Variants in ZNF648 observed in about 807,000 individuals in gnomAD.
The protein encoded by ZNF648 is zinc finger protein 648.
A neutral mutation model predicts 0.3 loss-of-function variants in ZNF648; 1 was observed. The observed-to-expected ratio is 3.90, with a 90% CI of 1.39 to 18.51. ZNF648 has a LOEUF of 18.51. ZNF648 is among the 30% of genes most tolerant of loss of function. The pLI is 0.11. For synonymous variants in ZNF648, 376 were observed against 326.8 expected (o/e 1.15, Z -1.62); for missense variants, 874 against 769.7 (o/e 1.14, Z -1.60).
Position 182,057,315 on chromosome 1 carries a change from T to C in ZNF648, c.696A>G (p.Lys232=), listed in dbSNP as rs1290735269. ...AVLAKARNSR[K]VQNQAGRREG... ...CGCGCCGGCCCGCCTGGTTCTGTACTTTCCTGCTGTTCCGCGCTTTTGCCA... is the reference window on the plus strand; with the variant it reads ...CGCGCCGGCCCGCCTGGTTCTGTACCTTCCTGCTGTTCCGCGCTTTTGCCA... Residue 232 remains lysine (K), a synonymous_variant, in exon 2 of 2, where the codon AAA becomes AAG. Coordinates refer to ENST00000339948, the MANE Select transcript of ZNF648 (RefSeq NM_001009992.1). The C allele has an allele frequency of 3.7e-6, 6 of 1,606,202 alleles. No homozygotes were observed. The African/African-American group carries it at 5.3e-5, about 14-fold the overall frequency.
the ZNF648 span, chr1:182,069,368 T>G: frequency 6.6e-6 from 1 of 152,232 alleles, no homozygotes; most frequent in African/African-American, 2.4e-5. Flanking sequence ...ATTTGAGGTT[T>G]CCATAAAAAC....
At chr1:182,069,506 G>A in the ZNF648 span, among the ~76,000 whole-genome samples, 2 of 152,284 alleles carry the variant, frequency 1.3e-5, no homozygotes, top group Admixed American at 6.5e-5. Context: ...GCTGGAGTGC[G>A]GCATCCCTCT....
In ZNF648 at chr1:182,056,318, A is replaced by G; in HGVS notation, c.1693T>C (p.Ser565Pro). ...GTCKKEPIPS[S>P]SDE is the part of the protein sequence containing the mutation. ...CGATGCTATCTTCACTCGTCAGAGG[A>G]GGAAGGGATGGGCTCCTTCTTGCAG... Residue 565 changes from serine to proline, a missense_variant, in exon 2 of 2, where the codon TCC becomes CCC. By Grantham distance (74) the Ser-to-Pro change is moderately conservative. Coordinates refer to ENST00000339948, the MANE Select transcript of ZNF648 (RefSeq NM_001009992.1). The G allele has an allele frequency of 2.5e-6, 4 of 1,611,934 alleles. No homozygotes were observed. The highest frequency in any genetic ancestry group is 3.4e-6 in the Non-Finnish European group (4 of 1,178,774).
In ZNF648 at chr1:182,056,826, G is replaced by C. The variant is rs1037393798; in HGVS notation, c.1185C>G (p.Pro395=). Reference sequence around the variant, plus strand: ...CCACAGCGAACTCCCGGTCGCAGGCGGGGCAGCGGAAGGGCTTGGCGCCCA... The same window carrying C: ...CCACAGCGAACTCCCGGTCGCAGGCCGGGCAGCGGAAGGGCTTGGCGCCCA... The part of the protein sequence containing the change: ...THLGAKPFRC[P]ACDREFAVAS... Residue 395 remains proline (P), a synonymous_variant, in exon 2 of 2, where the codon CCC becomes CCG. Transcript: ENST00000339948. 6.4e-7 allele frequency: 1 copy of C among 1,553,050 alleles called. No individual in the cohort carries two copies. The highest frequency in any genetic ancestry group is 8.7e-7 in the Non-Finnish European group (1 of 1,148,762).
At position 182,057,448 on chromosome 1, in the gene ZNF648, G is replaced by C. The variant is rs778261209; in HGVS notation, c.563C>G (p.Ser188Cys). 4 of 1,614,234 alleles carry C rather than the reference G, an allele frequency of 2.5e-6. No individual in the cohort carries two copies. The South Asian group carries it at 4.4e-5, about 18-fold the overall frequency. The change falls in exon 2 of 2, where the codon TCT becomes TGT. Residue 188 changes from serine to cysteine, a missense_variant. Coordinates refer to ENST00000339948, the MANE Select transcript of ZNF648 (RefSeq NM_001009992.1). ...CCCCGGCCTGGGGAAACACAACAGA[G>C]AAGAGTTCCCTGCGGACGTGTCTAC... ...KSVDTSAGNSSLLCFPRPGSN... is the reference protein window; with the variant it reads ...KSVDTSAGNSCLLCFPRPGSN...
chr1:182,056,969 A>C lies in ZNF648; in HGVS notation c.1042T>G (p.Ser348Ala), dbSNP rs139638702. ...TTGCGCTGGTGTTTGCGCAGGTCCG[A>C]AGAGCGCACGAAGGCCTTCCCGCAG... ...PDCGKAFVRSSDLRKHQRNMH... is the reference protein window; with the variant it reads ...PDCGKAFVRSADLRKHQRNMH... The change falls in exon 2 of 2, where the codon TCG becomes GCG. Residue 348 changes from serine (S) to alanine (A), a missense_variant. Physicochemically the swap from Ser to Ala is moderately conservative, Grantham distance 99 (BLOSUM62 1). Transcript: ENST00000339948. The C allele has an allele frequency of 5.8e-4, 928 of 1,613,664 alleles. 1 individual carries two copies. The highest frequency in any genetic ancestry group is 8.2e-4 in the Middle Eastern group (5 of 6,062).
At chr1:182,058,658 T>G (rs1332349873) in intron 1 of ZNF648, among the ~76,000 whole-genome samples, 1 of 152,122 alleles carries the variant, frequency 6.6e-6, no homozygotes, top group Non-Finnish European at 1.5e-5. Flanking sequence ...CCCTCACTGA[T>G]TAAGCGGGGC....
chr1:182,054,821 G>A lies in ZNF648; in HGVS notation c.*1483C>T, dbSNP rs1014844142. 6.6e-6 allele frequency: 1 copy of A among 152,184 alleles called. No homozygotes were observed. The highest frequency in any genetic ancestry group is 1.5e-5 in the Non-Finnish European group (1 of 68,036). 9.4% of individuals were successfully genotyped at this position (152,184 alleles called of 1,614,324 possible). On this transcript the variant is annotated 3_prime_UTR_variant, in exon 2 of 2. Coordinates refer to ENST00000339948, the MANE Select transcript of ZNF648 (RefSeq NM_001009992.1). ...GGATGGGGATGGACTCTTTTATTAC[G>A]GTTACCTTGGTCAAACAAGACACAA...
intron 1 of ZNF648, among the ~76,000 whole-genome samples, chr1:182,060,061 C>T (rs554286899): frequency 2.0e-5 from 3 of 152,312 alleles, no homozygotes; most frequent in Admixed American, 6.5e-5. Context: ...GGTGAAAAGC[C>T]GTGGCTTTCT....
Position 182,056,346 on chromosome 1 carries a change from G to T in ZNF648, c.1665C>A (p.Gly555=). 2 of 1,613,928 alleles carry T rather than the reference G, an allele frequency of 1.2e-6. No homozygotes were observed. The highest frequency in any genetic ancestry group is 1.7e-6 in the Non-Finnish European group (2 of 1,179,916). The change falls in exon 2 of 2, where the codon GGC becomes GGA. Residue 555 remains glycine, a synonymous_variant. Coordinates refer to ENST00000339948, the MANE Select transcript of ZNF648 (RefSeq NM_001009992.1). ...NHLQRHRAKH[G]TCKKEPIPSS... is the part of the protein sequence containing the mutation. Reference sequence around the variant, plus strand: ...AAGGGATGGGCTCCTTCTTGCAGGTGCCGTGCTTGGCTCGGTGTCGTTGGA... The same window carrying T: ...AAGGGATGGGCTCCTTCTTGCAGGTTCCGTGCTTGGCTCGGTGTCGTTGGA...
At chr1:182,068,037 T>C in the ZNF648 span, among the ~76,000 whole-genome samples, 148 of 152,330 alleles carry the variant, frequency 9.7e-4, 3 homozygotes, top group Middle Eastern at 3.4e-3. Context: ...GGCTCAGGGA[T>C]AGAAGGTCTG....
Position 182,057,982 on chromosome 1 carries a change from C to T in ZNF648, c.29G>A (p.Trp10Ter). The change falls in exon 2 of 2, where the codon TGG becomes TAG. Residue 10 changes from tryptophan to a stop codon, truncating the protein, a stop_gained. Coordinates refer to ENST00000339948, the MANE Select transcript of ZNF648 (RefSeq NM_001009992.1). LOFTEE classifies it low-confidence loss of function (END_TRUNC). ...GCTGCTGAGAGGAGACGCCTCTCCC[C>T]ACCTGTCCTGGGAGTCCACTTGTGC... MAQVDSQDR[W>*]GEASPLSSLT... The T allele has an allele frequency of 6.2e-7, 1 of 1,611,604 alleles. No individual in the cohort carries two copies. The highest frequency in any genetic ancestry group is 1.3e-5 in the African/African-American group (1 of 75,034).
At chr1:182,065,308 G>A (rs529694162), upstream of ZNF648, among the ~76,000 whole-genome samples, 1 of 152,154 alleles carries the variant, frequency 6.6e-6, no homozygotes, top group African/African-American at 2.4e-5. Flanking sequence ...CCTCCCCAAG[G>A]CTATGTGACC....
In ZNF648 at chr1:182,056,877, C is replaced by G. The variant is rs1571276966; in HGVS notation, c.1134G>C (p.Ser378=). 5.7e-6 allele frequency: 9 copies of G among 1,575,856 alleles called. No individual in the cohort carries two copies. The highest frequency in any genetic ancestry group is 7.8e-6 in the Non-Finnish European group (9 of 1,160,952). Residue 378 remains serine (S), a synonymous_variant, in exon 2 of 2, where the codon TCG becomes TCC. Transcript: ENST00000339948. ...ECGLTFNKPL[S]LLRHQRTHLG... ...GGTGCGTGCGCTGGTGGCGCAGCAG[C>G]GACAGCGGCTTGTTGAAGGTCAGGC...
chr1:182,056,929 T>C lies in ZNF648; in HGVS notation c.1082A>G (p.Asn361Ser), dbSNP rs1557970876. The C allele has an allele frequency of 6.2e-7, 1 of 1,610,626 alleles. No homozygotes were observed. The highest frequency in any genetic ancestry group is 1.1e-5 in the South Asian group (1 of 90,636). The change falls in exon 2 of 2, where the codon AAT (asparagine) becomes AGT (serine). Residue 361 changes from asparagine to serine, a missense_variant. By Grantham distance (46) the Asn-to-Ser change is conservative. Transcript: ENST00000339948. ...RKHQRNMHSN[N>S]KPFPCSECGL... ...GCACTCGGAGCACGGGAAGGGCTTA[T>C]TGTTGCTGTGCATGTTGCGCTGGTG...
At chr1:182,061,246 T>G (rs375669302) in intron 1 of ZNF648, among the ~76,000 whole-genome samples, 84 of 152,294 alleles carry the variant, frequency 5.5e-4, no homozygotes, top group African/African-American at 2.0e-3. Context: ...GATGCCATGG[T>G]ATGGCGGGCC....
In ZNF648 at chr1:182,056,451, GGC is replaced by G; in HGVS notation, c.1558_1559del (p.Ala520ProfsTer15). On this transcript the variant is annotated frameshift_variant, in exon 2 of 2. Transcript: ENST00000339948. LOFTEE classifies it low-confidence loss of function (END_TRUNC). ...GRAFRIASEL[A>X]QHIRMHNGER... ...CTCCGTTGTGCATTCGTATGTGCTG[GGC>G]CAACTCAGAGGCAATGCGGAAGGCC... 6.2e-7 allele frequency: 1 copy of G among 1,613,962 alleles called. No individual in the cohort carries two copies. The highest frequency in any genetic ancestry group is 8.5e-7 in the Non-Finnish European group (1 of 1,179,958).
At chr1:182,062,952 G>A (rs1666050410), upstream of ZNF648, 1 of 152,166 alleles carries the variant, frequency 6.6e-6, no homozygotes, top group South Asian at 2.1e-4. Flanking sequence ...GTGAGAACAT[G>A]CGGTGTTTGG....
upstream of ZNF648, among the ~76,000 whole-genome samples, chr1:182,062,167 A>T (rs1355629360): frequency 2.6e-5 from 4 of 152,208 alleles, no homozygotes; most frequent in African/African-American, 9.7e-5. Flanking sequence ...TCATTGGCTC[A>T]AAGATGCCCA....
Sources: gnomAD v4.1 joint callset for allele counts (sites outside exome capture counted in the v4.1 genomes callset) on GRCh38, gnomAD v4.1.1 for gene constraint, MANE v1.5 for transcripts, NCBI Gene and HGNC (gene_info 2026-07-23, HGNC 2026-07-21) for gene names.